Variants in GNA11 observed in about 807,000 individuals in gnomAD.
GNA11 encodes the protein guanine nucleotide-binding protein subunit alpha-11.
GNA11 carries 8 observed loss-of-function variants against 38.2 expected under a neutral mutation model. That is an observed-to-expected ratio of 0.21 (90% confidence interval 0.12 to 0.38). The LOEUF (loss-of-function observed/expected upper bound fraction) is 0.38, where lower values mean the gene tolerates loss of function less well. GNA11 is among the 10% of genes least tolerant of loss of function. GNA11 has a pLI of 1.00. For missense variants in GNA11, 268 were observed against 516.3 expected, an observed-to-expected ratio of 0.52 and a Z score of 4.66; for synonymous variants, 211 against 221.4, an observed-to-expected ratio of 0.95 and a Z score of 0.42.
chr19:3,095,483 A>C (rs1430518480), intron 1 of GNA11, among the ~76,000 whole-genome samples: 2 of 148,224 alleles, frequency 1.3e-5, no homozygotes, highest in East Asian at 2.0e-4. Context: ...AGCCCTGTAC[A>C]CTCCATGCAG....
chr19:3,099,125 G>C (rs948033500), intron 1 of GNA11, among the ~76,000 whole-genome samples: 13 of 152,314 alleles, frequency 8.5e-5, no homozygotes, highest in Admixed American at 3.3e-4. Flanking sequence ...TCTGGGACCT[G>C]GACCCTGGGC....
At position 3,110,098 on chromosome 19, in the gene GNA11, A is replaced by T. The variant is rs1186087860; in HGVS notation, c.137-51A>T. 20 of 1,447,856 alleles carry T rather than the reference A, an allele frequency of 1.4e-5. No homozygotes were observed. The highest frequency in any genetic ancestry group is 1.9e-5 in the Non-Finnish European group (20 of 1,058,494). The allele number at this position is 1,447,856 out of a possible 1,614,324, so 89.7% of individuals were successfully genotyped here. A position where few individuals can be genotyped will look rare whatever the true frequency, so the allele number is the denominator to read the frequency against. On this transcript the variant is annotated intron_variant, in intron 1 of 6. Transcript: ENST00000078429. The surrounding 1 kb of genome is among the most constrained non-coding windows in gnomAD (Gnocchi z 5.4). ...GGTCTGGGTAAGAGGGGGCAGCAGC[A>T]CGAGAGTCAGGCCCCGGCTGCCGCC... is the stretch of plus-strand genomic sequence containing the variant.
chr19:3,096,287 C>A (rs4989797), intron 1 of GNA11, among the ~76,000 whole-genome samples: 96,967 of 151,666 alleles, frequency 0.64, 31,129 homozygotes, highest in African/African-American at 0.67. Context: ...TTCCAGGGGG[C>A]CGCGGGTAGG....
At position 3,110,786 on chromosome 19, in the gene GNA11, TTTTTGTTTTG is replaced by T. The variant is rs56122562; in HGVS notation, c.321+474_321+483del. Reference sequence around the variant, plus strand: ...GTACTTCTCACCTTCTCACACTGTTTTTTTGTTTTGTTTTGTTTTGTTTTGTTTTGAAAAC... The same window carrying T: ...GTACTTCTCACCTTCTCACACTGTTTTTTTGTTTTGTTTTGTTTTGAAAAC... On this transcript the variant is annotated intron_variant, in intron 2 of 6. Coordinates refer to ENST00000078429, the MANE Select transcript of GNA11 (RefSeq NM_002067.5). This position sits in a 1 kb window ranked among gnomAD's most constrained non-coding sequence, Gnocchi z 5.4. 2.0e-4 allele frequency among the ~76,000 whole-genome samples: 30 copies of T among 150,640 alleles called. No individual in the cohort carries two copies. The highest frequency in any genetic ancestry group is 3.4e-3 in the Middle Eastern group (1 of 290).
At chr19:3,111,514 C>T (rs1225087635) in intron 2 of GNA11, among the ~76,000 whole-genome samples, 3 of 152,248 alleles carry the variant, frequency 2.0e-5, no homozygotes, top group Non-Finnish European at 4.4e-5. Flanking sequence ...CTGTTCATGG[C>T]TGAGTCATGT....
Position 3,123,735 on chromosome 19 carries a change from A to G in GNA11, c.*2556A>G, listed in dbSNP as rs1236474916. On this transcript the variant is annotated 3_prime_UTR_variant, in exon 7 of 7. Transcript: ENST00000078429. ...GGACGGGACCCAGTGATACTTGTAT[A>G]TTACACAGTCCTGATTTCAGACAAT... 8.6e-6 allele frequency: 2 copies of G among 232,724 alleles called. No homozygotes were observed. Among genetic ancestry groups the G allele is most frequent in the Admixed American group, 5.6e-5 (1 of 17,768 alleles). 14.4% of individuals were successfully genotyped at this position (232,724 alleles called of 1,614,324 possible).
chr19:3,107,601 C>T (rs1385496658), intron 1 of GNA11, among the ~76,000 whole-genome samples: 6 of 152,148 alleles, frequency 3.9e-5, no homozygotes, highest in African/African-American at 9.7e-5. Flanking sequence ...CAAACAAACA[C>T]GGAGCAGCCA....
At chr19:3,112,504 G>A (rs1186460811) in intron 2 of GNA11, among the ~76,000 whole-genome samples, 1 of 152,234 alleles carries the variant, frequency 6.6e-6, no homozygotes, top group Non-Finnish European at 1.5e-5. Context: ...TGCGCCCCGG[G>A]GACGGGGACA....
In GNA11 at chr19:3,122,367, G is replaced by A. The variant is rs528306162; in HGVS notation, c.*1188G>A. ...GCCAGCACTCGCACTTTGGCCAGGGGCGCGTGGAAGGTGGTGGCAGGCACC... is the reference window on the plus strand; with the variant it reads ...GCCAGCACTCGCACTTTGGCCAGGGACGCGTGGAAGGTGGTGGCAGGCACC... On this transcript the variant is annotated 3_prime_UTR_variant, in exon 7 of 7. Coordinates refer to ENST00000078429, the MANE Select transcript of GNA11 (RefSeq NM_002067.5). The surrounding 1 kb of genome is among the most constrained non-coding windows in gnomAD (Gnocchi z 7.7). 51 of 232,010 alleles carry A rather than the reference G, an allele frequency of 2.2e-4. No homozygotes were observed. In the Admixed American group the frequency reaches 2.3e-3, roughly 10 times the overall value. 14.4% of individuals were successfully genotyped at this position (232,010 alleles called of 1,614,324 possible). A position where few individuals can be genotyped will look rare whatever the true frequency, so the allele number is the denominator to read the frequency against.
At position 3,110,582 on chromosome 19, in the gene GNA11, C is replaced by T. The variant is rs912232287; in HGVS notation, c.321+249C>T. On this transcript the variant is annotated intron_variant, in intron 2 of 6. Transcript: ENST00000078429. This position sits in a 1 kb window ranked among gnomAD's most constrained non-coding sequence, Gnocchi z 5.4. The stretch of plus-strand genomic sequence containing the variant: ...AGCCTCCCTCCCAAGTAGCTGTGGG[C>T]GCCCACATCCTGTGGGTGGGGAAGC... Among the ~76,000 whole-genome samples, 6 of 152,058 alleles carry T rather than the reference C, an allele frequency of 3.9e-5. No individual in the cohort carries two copies. The highest frequency in any genetic ancestry group is 2.0e-4 in the Admixed American group (3 of 15,274).
chr19:3,094,586 C>T lies in GNA11; in HGVS notation c.-66C>T, dbSNP rs1316853858. On this transcript the variant is annotated 5_prime_UTR_variant, in exon 1 of 7. Transcript: ENST00000078429. The surrounding 1 kb of genome is among the most constrained non-coding windows in gnomAD (Gnocchi z 6.0). ...CGGGCGGCGGCCGAGGCGGCTCCGG[C>T]CAGGGCCGGGCCGGGGGCCGGGGGG... is the stretch of plus-strand genomic sequence containing the variant. 1 of 843,558 alleles carries T rather than the reference C, an allele frequency of 1.2e-6. No homozygotes were observed. Among genetic ancestry groups the T allele is most frequent in the African/African-American group, 1.9e-5 (1 of 51,936 alleles). 52.3% of individuals were successfully genotyped at this position (843,558 alleles called of 1,614,324 possible). A position where few individuals can be genotyped will look rare whatever the true frequency, so the allele number is the denominator to read the frequency against.
At chr19:3,107,037 C>T (rs1373956305) in intron 1 of GNA11, among the ~76,000 whole-genome samples, 1 of 152,200 alleles carries the variant, frequency 6.6e-6, no homozygotes. Flanking sequence ...AGGAATTTGA[C>T]ACCAGCCTAA....
Position 3,094,593 on chromosome 19 carries a change from C to T in GNA11, c.-59C>T. ...CGGCCGAGGCGGCTCCGGCCAGGGCCGGGCCGGGGGCCGGGGGGCGGCGGC... is the reference window on the plus strand; with the variant it reads ...CGGCCGAGGCGGCTCCGGCCAGGGCTGGGCCGGGGGCCGGGGGGCGGCGGC... On this transcript the variant is annotated 5_prime_UTR_variant, in exon 1 of 7. Transcript: ENST00000078429. This position sits in a 1 kb window ranked among gnomAD's most constrained non-coding sequence, Gnocchi z 6.0. The T allele has an allele frequency of 2.2e-6, 2 of 902,750 alleles. No homozygotes were observed. Among genetic ancestry groups the T allele is most frequent in the Non-Finnish European group, 2.7e-6 (2 of 748,536 alleles). The allele number at this position is 902,750 out of a possible 1,614,324, so 55.9% of individuals were successfully genotyped here. A position where few individuals can be genotyped will look rare whatever the true frequency, so the allele number is the denominator to read the frequency against.
intron 4 of GNA11, chr19:3,117,542 T>G (rs551865869): frequency 2.5e-5 from 2 of 80,908 alleles, no homozygotes; most frequent in Non-Finnish European, 7.2e-5. Flanking sequence ...CCACCACGCC[T>G]GGCTAATTTT....
chr19:3,116,600 T>C (rs1737040284), intron 4 of GNA11, among the ~76,000 whole-genome samples: 1 of 152,228 alleles, frequency 6.6e-6, no homozygotes, highest in Admixed American at 6.5e-5. Flanking sequence ...CCTACCTCTG[T>C]GTGACGTTAT....
intron 1 of GNA11, among the ~76,000 whole-genome samples, chr19:3,103,519 C>CGTTTTT (rs1370578226): frequency 6.5e-5 from 3 of 45,814 alleles, no homozygotes; most frequent in Admixed American, 3.5e-4. Flanking sequence ...GGCCTTGAAT[C>CGTTTTT]TTTTTTTTTT....
intron 1 of GNA11, among the ~76,000 whole-genome samples, chr19:3,101,469 A>C (rs1913505515): frequency 1.3e-5 from 2 of 152,126 alleles, no homozygotes; most frequent in South Asian, 4.1e-4. Flanking sequence ...CTCCAGCCAC[A>C]CTGGTTTGCT....
At chr19:3,096,936 G>A (rs1250955712) in intron 1 of GNA11, among the ~76,000 whole-genome samples, 1 of 152,194 alleles carries the variant, frequency 6.6e-6, no homozygotes, top group African/African-American at 2.4e-5. Flanking sequence ...TTGGGAATCT[G>A]ATGCGACAGA....
At chr19:3,106,628 G>A (rs372917447) in intron 1 of GNA11, among the ~76,000 whole-genome samples, 257 of 130,702 alleles carry the variant, frequency 2.0e-3, no homozygotes, top group African/African-American at 6.8e-3. Context: ...TTCACCCAGC[G>A]GGAGTGGTGC....
Sources: gnomAD v4.1 joint callset for allele counts (sites outside exome capture counted in the v4.1 genomes callset) on GRCh38, gnomAD v4.1.1 for gene constraint, Gnocchi (gnomAD v3.1) non-coding constraint, MANE v1.5 for transcripts, NCBI Gene and HGNC (gene_info 2026-07-23, HGNC 2026-07-21) for gene names.